Variants in PPP2R2D observed in about 807,000 individuals in gnomAD.
PPP2R2D encodes protein phosphatase 2 regulatory subunit Bdelta, also known as serine/threonine-protein phosphatase 2A 55 kDa regulatory subunit B delta isoform.
In PPP2R2D, 9 loss-of-function variants were observed where a neutral mutation model predicts 31.1. The observed-to-expected ratio is 0.29, with a 90% CI of 0.17 to 0.51. The LOEUF (loss-of-function observed/expected upper bound fraction) is 0.51, where lower values mean the gene tolerates loss of function less well. PPP2R2D is among the 20% of genes least tolerant of loss of function. PPP2R2D has a pLI of 0.98. For synonymous variants in PPP2R2D, 179 were observed against 172.6 expected, an observed-to-expected ratio of 1.04 and a Z score of -0.29; for missense variants, 391 against 465.6, an observed-to-expected ratio of 0.84 and a Z score of 1.48.
downstream of PPP2R2D, among the ~76,000 whole-genome samples, chr10:131,963,526 G>A (rs1050073493): frequency 1.3e-5 from 2 of 152,310 alleles, no homozygotes; most frequent in Middle Eastern, 6.8e-3. Flanking sequence ...GCCGTGGGGC[G>A]CCTGGCTGTC....
In PPP2R2D at chr10:131,955,771, G is replaced by C. The variant is rs201895841; in HGVS notation, c.1170G>C (p.Glu390Asp). 1.6e-4 allele frequency: 250 copies of C among 1,589,530 alleles called. No homozygotes were observed. Among genetic ancestry groups the C allele is most frequent in the Admixed American group, 5.8e-4 (34 of 58,306 alleles). The change falls in exon 9 of 9, where the codon GAG (glutamate) becomes GAC (aspartate). Residue 390 changes from glutamate to aspartate, a missense_variant. Physicochemically the swap from Glu to Asp is conservative, Grantham distance 45. Around this residue, in one of 3 missense-constraint regions of PPP2R2D, gnomAD observed 163 missense variants for 179.5 expected, o/e 0.91. Coordinates refer to ENST00000455566, the MANE Select transcript of PPP2R2D (RefSeq NM_018461.5). Reference sequence around the variant, plus strand: ...ATGTGACCCTGGAGGCCTCGAGAGAGAGCAGCAAACCGCGCGCCAGCCTCA... The same window carrying C: ...ATGTGACCCTGGAGGCCTCGAGAGACAGCAGCAAACCGCGCGCCAGCCTCA... ...RRDVTLEASR[E>D]SSKPRASLKP...
downstream of PPP2R2D, among the ~76,000 whole-genome samples, chr10:131,963,951 C>T (rs34709972): frequency 0.094 from 14,346 of 152,218 alleles, 861 homozygotes; most frequent in Non-Finnish European, 0.14. Context: ...GTCCAGGGCC[C>T]TCCCAAAGCG....
At chr10:131,913,722 A>C (rs1209520070) in intron 2 of PPP2R2D, among the ~76,000 whole-genome samples, 1 of 152,188 alleles carries the variant, frequency 6.6e-6, no homozygotes, top group Non-Finnish European at 1.5e-5. Flanking sequence ...ACTCCGTTAC[A>C]GGCCTCCATT....
rs2036565008 is a variant in PPP2R2D at position 131,947,598 on chromosome 10, G to T, written c.889G>T (p.Val297Leu). The change falls in exon 8 of 9, where the codon GTA becomes TTA. Residue 297 changes from valine to leucine, a missense_variant. Transcript: ENST00000455566. The surrounding 1 kb of genome is among the most constrained non-coding windows in gnomAD (Gnocchi z 4.3). ...FSEIISSISD[V>L]KFSHSGRYMM... is the part of the protein sequence containing the mutation. Reference sequence around the variant, plus strand: ...AGAAATAATTTCATCCATATCCGATGTAAAATTCAGTCATAGTGGGCGGTA... The same window carrying T: ...AGAAATAATTTCATCCATATCCGATTTAAAATTCAGTCATAGTGGGCGGTA... The T allele has an allele frequency of 6.2e-7, 1 of 1,614,094 alleles. No homozygotes were observed. The highest frequency in any genetic ancestry group is 1.7e-5 in the Admixed American group (1 of 60,012).
At chr10:131,963,050 G>A (rs534069303), downstream of PPP2R2D, among the ~76,000 whole-genome samples, 157 of 152,186 alleles carry the variant, frequency 1.0e-3, no homozygotes, top group Non-Finnish European at 2.0e-3. Flanking sequence ...TTGTAATCCC[G>A]GCTACTTGGG....
chr10:131,945,349 C>T lies in PPP2R2D; in HGVS notation c.710C>T (p.Ala237Val). 1.2e-6 allele frequency: 2 copies of T among 1,614,210 alleles called. No individual in the cohort carries two copies. Among genetic ancestry groups the T allele is most frequent in the Non-Finnish European group, 1.7e-6 (2 of 1,180,036 alleles). ...GAGGAGCTGACCGAAGTCATCACTG[C>T]AGCCGAGTTCCACCCGCACCAGTGC... The part of the protein sequence containing the change: ...NMEELTEVIT[A>V]AEFHPHQCNV... Residue 237 changes from alanine (A) to valine (V), a missense_variant, in exon 7 of 9, where the codon GCA becomes GTA. Ala to Val is a moderately conservative substitution (Grantham distance 64, BLOSUM62 0). Transcript: ENST00000455566. The surrounding 1 kb of genome is among the most constrained non-coding windows in gnomAD (Gnocchi z 4.8).
intron 2 of PPP2R2D, among the ~76,000 whole-genome samples, chr10:131,926,760 G>C (rs1402932793): frequency 2.0e-5 from 3 of 152,254 alleles, no homozygotes; most frequent in Non-Finnish European, 4.4e-5. Context: ...CATCGTTTGA[G>C]TCCCTGCAGT....
intron 3 of PPP2R2D, 163 bp from the exon 4 acceptor site, chr10:131,939,866 TTC>T: frequency 2.5e-6 from 1 of 398,010 alleles, no homozygotes; most frequent in Non-Finnish European, 4.5e-6. Flanking sequence ...ATCAAGTTCG[TTC>T]TTTTTTTTTT....
In PPP2R2D at chr10:131,914,398, C is replaced by G. The variant is rs1296261186; in HGVS notation, c.100+13068C>G. On this transcript the variant is annotated intron_variant, in intron 2 of 8. Coordinates refer to ENST00000455566, the MANE Select transcript of PPP2R2D (RefSeq NM_018461.5). ...TTCTAATTAAAGCAATAATAATGTT[C>G]CATTTTTCCTAGTCATTTCTGGAAG... Among the ~76,000 whole-genome samples the G allele has an allele frequency of 3.3e-5, 5 of 152,128 alleles. No homozygotes were observed. The East Asian group carries it at 9.6e-4, about 29-fold the overall frequency.
chr10:131,907,217 T>G (rs2119717231), intron 2 of PPP2R2D, among the ~76,000 whole-genome samples: 1 of 152,224 alleles, frequency 6.6e-6, no homozygotes, highest in South Asian at 2.1e-4. Context: ...TTGGTCTTAA[T>G]GGGACATGGT....
At chr10:131,904,656 A>T (rs1305019876) in intron 2 of PPP2R2D, among the ~76,000 whole-genome samples, 6 of 152,322 alleles carry the variant, frequency 3.9e-5, no homozygotes, top group East Asian at 1.9e-4. Context: ...TTCTGGGCCA[A>T]GTTCAGCTCT....
At chr10:131,960,192 A>AGTGCCCTCAACAGGCGCGGAGGAAGAC, downstream of PPP2R2D, among the ~76,000 whole-genome samples, 1 of 152,350 alleles carries the variant, frequency 6.6e-6, no homozygotes, top group Middle Eastern at 3.4e-3. Flanking sequence ...ACTTTAGAGA[A>AGTGCCCTCAACAGGCGCGGAGGAAGAC]GTGCCCTCAA....
At chr10:131,925,877 C>G (rs1034444540) in intron 2 of PPP2R2D, among the ~76,000 whole-genome samples, 6 of 152,200 alleles carry the variant, frequency 3.9e-5, no homozygotes, top group Non-Finnish European at 8.8e-5. Flanking sequence ...TTGAAGAAGC[C>G]AGGCCCCTCC....
chr10:131,916,354 A>G (rs1490001732), intron 2 of PPP2R2D, among the ~76,000 whole-genome samples: 2 of 146,010 alleles, frequency 1.4e-5, no homozygotes, highest in Non-Finnish European at 3.0e-5. Context: ...TTTGAGGTCT[A>G]GGAATTTTTT....
At chr10:131,952,376 C>T (rs111694771) in intron 8 of PPP2R2D, among the ~76,000 whole-genome samples, 3 of 43,138 alleles carry the variant, frequency 7.0e-5, no homozygotes, top group African/African-American at 1.1e-4. Context: ...TAGTGACTTG[C>T]GGGTGTGCGG....
chr10:131,926,457 G>A (rs781881818), intron 2 of PPP2R2D, among the ~76,000 whole-genome samples: 12 of 152,068 alleles, frequency 7.9e-5, no homozygotes, highest in South Asian at 4.1e-4. Flanking sequence ...CAGGAGGATC[G>A]CTTGAGCCCA....
chr10:131,956,179 C>T lies in PPP2R2D; in HGVS notation c.*216C>T, dbSNP rs1345404083. 11 of 1,225,620 alleles carry T rather than the reference C, an allele frequency of 9.0e-6. No individual in the cohort carries two copies. The highest frequency in any genetic ancestry group is 6.5e-5 in the East Asian group (2 of 30,846). The allele number at this position is 1,225,620 out of a possible 1,614,324, so 75.9% of individuals were successfully genotyped here. Reference sequence around the variant, plus strand: ...GCTGCTGCTCACGTGGAGACGCTCTCGAAGCAGAGTTGACGGACACTGCTC... The same window carrying T: ...GCTGCTGCTCACGTGGAGACGCTCTTGAAGCAGAGTTGACGGACACTGCTC... On this transcript the variant is annotated 3_prime_UTR_variant, in exon 9 of 9. Coordinates refer to ENST00000455566, the MANE Select transcript of PPP2R2D (RefSeq NM_018461.5).
chr10:131,913,854 A>T (rs2035725986), intron 2 of PPP2R2D, among the ~76,000 whole-genome samples: 1 of 152,230 alleles, frequency 6.6e-6, no homozygotes, highest in South Asian at 2.1e-4. Context: ...ATGATGTTAG[A>T]TATCTCAGAG....
At chr10:131,968,712 A>C in the PPP2R2D span, 1 of 617,932 alleles carries the variant, frequency 1.6e-6, no homozygotes, top group Admixed American at 2.7e-5. Context: ...TTTTGTAATG[A>C]ATCTATCTGT....
Sources: allele counts gnomAD v4.1 joint callset (sites outside exome capture counted in the v4.1 genomes callset), GRCh38; gene constraint gnomAD v4.1.1; regional missense constraint gnomAD v4.1.1; non-coding constraint Gnocchi (gnomAD v3.1); transcripts MANE v1.5; gene names NCBI Gene and HGNC (gene_info 2026-07-23, HGNC 2026-07-21).